SFI1: variants seen among roughly 807,000 people sequenced by gnomAD.
SFI1 encodes protein SFI1 homolog.
SFI1 carries 195 observed loss-of-function variants against 207.5 expected under a neutral mutation model. The ratio of observed to expected loss-of-function variants is 0.94; its 90% CI spans 0.84 to 1.06. The LOEUF (loss-of-function observed/expected upper bound fraction) is 1.06, where lower values mean the gene tolerates loss of function less well. SFI1 is among the 50% of genes least tolerant of loss of function. The pLI, the probability that SFI1 is intolerant of heterozygous loss-of-function variation, is 0.00. For missense variants in SFI1, 1,634 were observed against 1,588.0 expected (o/e 1.03, Z -0.49); for synonymous variants, 630 against 598.9 (o/e 1.05, Z -0.76).
At chr22:31,553,367 G>T (rs1265144957) in intron 6 of SFI1, among the ~76,000 whole-genome samples, 1 of 150,452 alleles carries the variant, frequency 6.6e-6, no homozygotes, top group East Asian at 2.0e-4. Context: ...GGTTGGTTTG[G>T]TTTTTTTTGA....
intron 4 of SFI1, among the ~76,000 whole-genome samples, chr22:31,537,413 G>A (rs574261736): frequency 6.6e-6 from 1 of 152,302 alleles, no homozygotes; most frequent in South Asian, 2.1e-4. Flanking sequence ...CGAGAAAAAG[G>A]GCTTGGCAGT....
At chr22:31,525,772 T>C (rs1467268314) in intron 2 of SFI1, among the ~76,000 whole-genome samples, 1 of 151,160 alleles carries the variant, frequency 6.6e-6, no homozygotes, top group Non-Finnish European at 1.5e-5. Flanking sequence ...ATAGATAAAG[T>C]AGCTTAATAA....
chr22:31,611,708 C>T, intron 23 of SFI1, 58 bp from the exon 24 acceptor site: 1 of 1,533,552 alleles, frequency 6.5e-7, no homozygotes, highest in Admixed American at 1.8e-5. Context: ...TCAGGACCCA[C>T]CCCAGGCTGT....
At chr22:31,502,124 A>G (rs921794731) in intron 1 of SFI1, among the ~76,000 whole-genome samples, 4 of 152,200 alleles carry the variant, frequency 2.6e-5, no homozygotes, top group Admixed American at 2.0e-4. Context: ...ACATATATGT[A>G]TAGCTCACAT....
intron 9 of SFI1, 126 bp from the exon 10 acceptor site, chr22:31,575,105 T>C (rs766386940): frequency 5.0e-5 from 22 of 441,942 alleles, no homozygotes; most frequent in South Asian, 2.5e-4. Context: ...TGTGTGTGTG[T>C]GTGTGTGTGT....
At chr22:31,604,468 T>G in intron 19 of SFI1, 64 bp downstream of exon 19, 1 of 1,331,874 alleles carries the variant, frequency 7.5e-7, no homozygotes. Context: ...GGAGACTTTG[T>G]TTTCCTTCCT....
At chr22:31,529,104 A>C in intron 3 of SFI1, 1 of 418,690 alleles carries the variant, frequency 2.4e-6, no homozygotes, top group Middle Eastern at 6.4e-4. Flanking sequence ...AGATTCTTCC[A>C]GAAAAAGTCT....
intron 29 of SFI1, 158 bp from the exon 30 acceptor site, chr22:31,616,587 G>A (rs1287891859): frequency 4.1e-6 from 3 of 738,392 alleles, no homozygotes; most frequent in East Asian, 5.4e-5. Flanking sequence ...GCTAGACACT[G>A]AGCTGGCACG....
At chr22:31,555,861 A>G (rs775310966) in intron 6 of SFI1, among the ~76,000 whole-genome samples, 2 of 152,226 alleles carry the variant, frequency 1.3e-5, no homozygotes, top group Non-Finnish European at 2.9e-5. Context: ...TCTCCTTCGT[A>G]TGTTGATTTG....
intron 21 of SFI1, 102 bp downstream of exon 21, chr22:31,606,532 A>C: frequency 1.2e-6 from 1 of 849,568 alleles, no homozygotes; most frequent in Non-Finnish European, 1.9e-6. Context: ...GAACTGAATA[A>C]GGAACCTAGA....
At chr22:31,608,145 G>A in intron 22 of SFI1, 112 bp downstream of exon 22, 1 of 781,062 alleles carries the variant, frequency 1.3e-6, no homozygotes, top group Non-Finnish European at 2.1e-6. Flanking sequence ...CCAGTTCCCT[G>A]TGGTTGCCAT....
At chr22:31,545,574 A>AATTTAATTTAATTTT (rs2059996097) in intron 4 of SFI1, among the ~76,000 whole-genome samples, 4 of 130,956 alleles carry the variant, frequency 3.1e-5, no homozygotes, top group African/African-American at 1.5e-4. Flanking sequence ...AATTTAATTT[A>AATTTAATTTAATTTT]ATTTAATTTA....
intron 5 of SFI1, among the ~76,000 whole-genome samples, chr22:31,548,132 A>T (rs926512322): frequency 1.3e-5 from 2 of 151,604 alleles, no homozygotes; most frequent in Non-Finnish European, 2.9e-5. Context: ...AGGCAGGAGA[A>T]TGGCGTGAAC....
chr22:31,500,704 G>T (rs578108485), intron 1 of SFI1, among the ~76,000 whole-genome samples: 1 of 151,984 alleles, frequency 6.6e-6, no homozygotes, highest in South Asian at 2.1e-4. Flanking sequence ...TGATTCTCCC[G>T]CCTGGGCCTC....
intron 15 of SFI1, among the ~76,000 whole-genome samples, chr22:31,592,906 G>C (rs1299609921): frequency 1.7e-5 from 2 of 120,360 alleles, no homozygotes; most frequent in African/African-American, 3.6e-5. Flanking sequence ...CGGGCTGAGG[G>C]GCTCCTCACT....
chr22:31,546,500 T>C (rs2060094480), intron 4 of SFI1, among the ~76,000 whole-genome samples: 1 of 152,136 alleles, frequency 6.6e-6, no homozygotes, highest in Admixed American at 6.6e-5. Context: ...CCAGGTAATT[T>C]TTGCATTTTT....
At chr22:31,520,888 C>A (rs901822155) in intron 2 of SFI1, among the ~76,000 whole-genome samples, 3 of 149,798 alleles carry the variant, frequency 2.0e-5, no homozygotes, top group Non-Finnish European at 4.4e-5. Context: ...CCTGTAGTAC[C>A]AGCTGCTCAG....
At chr22:31,611,096 G>A (rs1338577285) in intron 22 of SFI1, 47 bp from the exon 23 acceptor site, 1 of 1,613,354 alleles carries the variant, frequency 6.2e-7, no homozygotes, top group Non-Finnish European at 8.5e-7. Context: ...TGTAGTCACT[G>A]GTGGAAATCC....
In SFI1 at chr22:31,562,721, C is replaced by T. The variant is rs185042031; in HGVS notation, c.765+1329C>T. On this transcript the variant is annotated intron_variant, in intron 8 of 32. Coordinates refer to ENST00000400288, the MANE Select transcript of SFI1 (RefSeq NM_001007467.3). ...CAGTCTTGGCTCACTGCAAGCTCTG[C>T]CTCCTGGGTTCACGCCATCATCCTG... Among the ~76,000 whole-genome samples the T allele has an allele frequency of 1.6e-3, 249 of 151,770 alleles. 4 individuals carry two copies. Among genetic ancestry groups the T allele is most frequent in the Non-Finnish European group, 2.5e-4 (17 of 67,962 alleles).
Sources: allele counts gnomAD v4.1 joint callset (sites outside exome capture counted in the v4.1 genomes callset), GRCh38; gene constraint gnomAD v4.1.1; transcripts MANE v1.5; gene names NCBI Gene and HGNC (gene_info 2026-07-23, HGNC 2026-07-21).